The following SDK1 variants were observed in gnomAD, a reference collection of about 807,000 sequenced individuals.
The protein encoded by SDK1 is sidekick cell adhesion molecule 1, also known as protein sidekick-1.
Under a neutral mutation model 245.5 loss-of-function variants are expected in SDK1, and 157 were observed. The observed-to-expected ratio is 0.64, with a 90% confidence interval of 0.56 to 0.73. The LOEUF (loss-of-function observed/expected upper bound fraction) is 0.73, where lower values mean the gene tolerates loss of function less well. SDK1 is among the 30% of genes least tolerant of loss of function. SDK1 has a pLI of 0.00. For synonymous variants in SDK1, 1,647 were observed against 1,278.5 expected (o/e 1.29, Z -6.15); for missense variants, 3,583 against 3,002.3 (o/e 1.19, Z -4.52).
At chr7:4,076,048 A>T (rs530887265) in intron 20 of SDK1, among the ~76,000 whole-genome samples, 2 of 152,220 alleles carry the variant, frequency 1.3e-5, no homozygotes, top group Admixed American at 6.5e-5. Flanking sequence ...TATAGGGGGA[A>T]ATCAAATTTA....
At chr7:4,020,889 G>A (rs553405227) in intron 17 of SDK1, among the ~76,000 whole-genome samples, 27 of 152,324 alleles carry the variant, frequency 1.8e-4, no homozygotes, top group South Asian at 6.2e-4. Flanking sequence ...GAGATACTAC[G>A]TGTGAAAAGG....
intron 44 of SDK1, among the ~76,000 whole-genome samples, chr7:4,259,970 G>A (rs952691215): frequency 6.6e-6 from 1 of 152,236 alleles, no homozygotes; most frequent in Admixed American, 6.5e-5. Context: ...AGGATCCTCA[G>A]CCAGTTGCAG....
At position 4,156,296 on chromosome 7, in the gene SDK1, A is replaced by G. The variant is rs114427318; in HGVS notation, c.4626-2152A>G. ...CATGGTTATCACCCAGATGAGGCAA[A>G]GTAACTCCTAGGATGCCAGGAACAG... On this transcript the variant is annotated intron_variant, in intron 30 of 44. Transcript: ENST00000404826. 6.5e-3 allele frequency among the ~76,000 whole-genome samples: 984 copies of G among 152,280 alleles called. 17 individuals carry two copies. The highest frequency in any genetic ancestry group is 0.023 in the African/African-American group (946 of 41,552).
In SDK1 at chr7:3,493,907, T is replaced by C. The variant is rs547724652; in HGVS notation, c.299-125173T>C. On this transcript the variant is annotated intron_variant, in intron 1 of 44. Coordinates refer to ENST00000404826, the MANE Select transcript of SDK1 (RefSeq NM_152744.4). ...AGTCTTCCAGTTTGAATTGGAAATATCAATTCAAGCAGCTCACAAGTCATC... is the reference window on the plus strand; with the variant it reads ...AGTCTTCCAGTTTGAATTGGAAATACCAATTCAAGCAGCTCACAAGTCATC... Among the ~76,000 whole-genome samples the C allele has an allele frequency of 5.6e-4, 85 of 152,356 alleles. 1 individual carries two copies. Among genetic ancestry groups the C allele is most frequent in the African/African-American group, 1.8e-3 (75 of 41,582 alleles).
chr7:3,824,829 T>C (rs1377134268), intron 5 of SDK1, among the ~76,000 whole-genome samples: 1 of 152,222 alleles, frequency 6.6e-6, no homozygotes, highest in Admixed American at 6.5e-5. Flanking sequence ...AGTCCCATAA[T>C]GGTACCGCCT....
intron 1 of SDK1, among the ~76,000 whole-genome samples, chr7:3,602,383 G>A (rs1489183673): frequency 2.6e-4 from 39 of 151,960 alleles, no homozygotes; most frequent in Non-Finnish European, 2.1e-4. Context: ...ACTGGTGTGA[G>A]ATGGTATCTC....
chr7:3,446,504 T>A (rs1166178628), intron 1 of SDK1, among the ~76,000 whole-genome samples: 1 of 152,142 alleles, frequency 6.6e-6, no homozygotes, highest in Non-Finnish European at 1.5e-5. Flanking sequence ...TTGAGTAGAA[T>A]CTTAAAAAGA....
chr7:3,783,953 A>G (rs1169401413), intron 4 of SDK1, among the ~76,000 whole-genome samples: 1 of 151,344 alleles, frequency 6.6e-6, no homozygotes, highest in Non-Finnish European at 1.5e-5. Flanking sequence ...TTCAAACTAT[A>G]CTACAGAGCT....
chr7:3,905,417 C>T (rs1460693115), intron 5 of SDK1, among the ~76,000 whole-genome samples: 1 of 152,118 alleles, frequency 6.6e-6, no homozygotes, highest in Non-Finnish European at 1.5e-5. Context: ...TCCTTTGACA[C>T]TTTTGTTACA....
At chr7:4,210,964 G>T (rs569323254) in intron 38 of SDK1, among the ~76,000 whole-genome samples, 11 of 152,188 alleles carry the variant, frequency 7.2e-5, no homozygotes, top group Non-Finnish European at 1.6e-4. Flanking sequence ...CCGAAGGGAG[G>T]ATCCGCCAAT....
rs544111463 is a variant in SDK1 at position 3,978,511 on chromosome 7, G to C, written c.1994+3966G>C. Among the ~76,000 whole-genome samples the C allele has an allele frequency of 2.6e-5, 4 of 152,316 alleles. No individual in the cohort carries two copies. The East Asian group carries it at 7.7e-4, about 29-fold the overall frequency. ...AACTGGTTACAGAACTGATTTGGAA[G>C]ACAGTTGTTCCTCGTGAATTGTTAG... On this transcript the variant is annotated intron_variant, in intron 13 of 44. Transcript: ENST00000404826.
chr7:3,570,129 G>T (rs982378874), intron 1 of SDK1, among the ~76,000 whole-genome samples: 3 of 152,160 alleles, frequency 2.0e-5, no homozygotes, highest in African/African-American at 4.8e-5. Flanking sequence ...CCAAGCCTTG[G>T]ACTGCATGTT....
At chr7:3,350,332 C>G (rs147747542) in intron 1 of SDK1, among the ~76,000 whole-genome samples, 1 of 152,096 alleles carries the variant, frequency 6.6e-6, no homozygotes, top group Non-Finnish European at 1.5e-5. Context: ...AGGCATATTC[C>G]CACAGTGGAA....
chr7:4,175,699 T>C (rs1782159627), intron 33 of SDK1, 76 bp from the exon 34 acceptor site: 1 of 1,256,412 alleles, frequency 8.0e-7, no homozygotes, highest in African/African-American at 1.5e-5. Context: ...CTGTCTCCCT[T>C]GTTCCTGCCG....
chr7:3,425,532 C>G (rs990511514), intron 1 of SDK1, among the ~76,000 whole-genome samples: 1 of 152,172 alleles, frequency 6.6e-6, no homozygotes, highest in African/African-American at 2.4e-5. Flanking sequence ...TTCATCTAGA[C>G]TTCTCACAGA....
intron 5 of SDK1, among the ~76,000 whole-genome samples, chr7:3,858,714 A>C (rs1016092592): frequency 6.6e-6 from 1 of 151,808 alleles, no homozygotes; most frequent in South Asian, 2.1e-4. Flanking sequence ...ACGAAGGAAG[A>C]ATTTCCCTAT....
intron 1 of SDK1, among the ~76,000 whole-genome samples, chr7:3,569,881 A>G (rs1162815868): frequency 6.6e-6 from 1 of 152,114 alleles, no homozygotes; most frequent in East Asian, 1.9e-4. Flanking sequence ...TTTTATGGTT[A>G]ATGTGTCCAC....
chr7:3,395,721 G>T (rs1781880016), intron 1 of SDK1, among the ~76,000 whole-genome samples: 1 of 151,698 alleles, frequency 6.6e-6, no homozygotes, highest in African/African-American at 2.4e-5. Flanking sequence ...GTCAGTTTTG[G>T]TCATTCGTGA....
chr7:3,676,349 G>A lies in SDK1; in HGVS notation c.713+34244G>A, dbSNP rs1228812986. 8.9e-5 allele frequency among the ~76,000 whole-genome samples: 12 copies of A among 134,886 alleles called. 1 individual carries two copies. In the South Asian group the frequency reaches 2.3e-3, roughly 26 times the overall value. 88.5% of individuals were successfully genotyped at this position (134,886 alleles called of 152,430 possible). On this transcript the variant is annotated intron_variant, in intron 4 of 44. Coordinates refer to ENST00000404826, the MANE Select transcript of SDK1 (RefSeq NM_152744.4). ...TTTTTTTTTTTTTTTTTTTTGAGAC[G>A]GAGTCTTGCTCTGTCGCCCAGGCTG... is the stretch of plus-strand genomic sequence containing the variant.
Sources: gnomAD v4.1 joint callset for allele counts (sites outside exome capture counted in the v4.1 genomes callset) on GRCh38, gnomAD v4.1.1 for gene constraint, MANE v1.5 for transcripts, NCBI Gene and HGNC (gene_info 2026-07-23, HGNC 2026-07-21) for gene names.